TRDN: variants seen among roughly 807,000 people sequenced by gnomAD.
TRDN encodes triadin in skeletal muscle.
Under a neutral mutation model 149.7 loss-of-function variants are expected in TRDN, and 161 were observed. The observed-to-expected ratio is 1.08, with a 90% CI of 0.95 to 1.23. The LOEUF (loss-of-function observed/expected upper bound fraction) is 1.23, where lower values mean the gene tolerates loss of function less well. TRDN is among the 50% of genes most tolerant of loss of function. The pLI is 0.00. For missense variants in TRDN, 896 were observed against 823.5 expected (o/e 1.09, Z -1.08); for synonymous variants, 294 against 250.5 (o/e 1.17, Z -1.64).
At chr6:123,568,623 T>C (rs1562394870) in intron 2 of TRDN, among the ~76,000 whole-genome samples, 1 of 152,214 alleles carries the variant, frequency 6.6e-6, no homozygotes, top group Non-Finnish European at 1.5e-5. Context: ...GCACCAAGGC[T>C]TATGGCTTGT....
chr6:123,485,314 T>G (rs1777926384), intron 9 of TRDN, among the ~76,000 whole-genome samples: 1 of 152,210 alleles, frequency 6.6e-6, no homozygotes, highest in Non-Finnish European at 1.5e-5. Context: ...TACACAGGTC[T>G]ATTTGCAATG....
intron 31 of TRDN, 26 bp from the exon 32 acceptor site, chr6:123,267,777 G>A (rs1189070040): frequency 6.5e-7 from 1 of 1,540,224 alleles, no homozygotes; most frequent in Non-Finnish European, 8.8e-7. Flanking sequence ...AAAATTCACT[G>A]GCAATCTGTG....
chr6:123,260,226 T>A (rs979579551), intron 34 of TRDN, among the ~76,000 whole-genome samples: 11 of 152,050 alleles, frequency 7.2e-5, no homozygotes, highest in African/African-American at 2.7e-4. Context: ...GAAATAAGAA[T>A]TTGCCTGGCA....
intron 38 of TRDN, among the ~76,000 whole-genome samples, chr6:123,229,083 C>T (rs1345808231): frequency 6.6e-6 from 1 of 151,888 alleles, no homozygotes; most frequent in East Asian, 1.9e-4. Flanking sequence ...CTTTCAAATT[C>T]TAGAGTTCAT....
intron 35 of TRDN, among the ~76,000 whole-genome samples, chr6:123,256,679 T>G (rs1776574812): frequency 6.6e-6 from 1 of 152,044 alleles, no homozygotes; most frequent in Non-Finnish European, 1.5e-5. Flanking sequence ...TTTTTTTTCT[T>G]GTAAGTTTGT....
At chr6:123,278,985 C>A in intron 25 of TRDN, 71 bp downstream of exon 25, 2 of 1,332,526 alleles carry the variant, frequency 1.5e-6, no homozygotes, top group Non-Finnish European at 2.1e-6. Context: ...TAACAGCATG[C>A]ATTTAAGATT....
At chr6:123,363,588 T>C (rs1390952629) in intron 20 of TRDN, among the ~76,000 whole-genome samples, 1 of 152,182 alleles carries the variant, frequency 6.6e-6, no homozygotes, top group Non-Finnish European at 1.5e-5. Context: ...CAATAATGCA[T>C]GCGAATAGAT....
intron 1 of TRDN, among the ~76,000 whole-genome samples, chr6:123,601,552 C>T (rs1784278849): frequency 6.6e-6 from 1 of 152,216 alleles, no homozygotes; most frequent in South Asian, 2.1e-4. Context: ...CCACATGCCC[C>T]ATTGGTGCTA....
At chr6:123,219,182 C>T (rs1423445889) in intron 40 of TRDN, among the ~76,000 whole-genome samples, 1 of 151,782 alleles carries the variant, frequency 6.6e-6, no homozygotes, top group Non-Finnish European at 1.5e-5. Flanking sequence ...AGAGGTGGTG[C>T]CAACATCTAG....
intron 5 of TRDN, among the ~76,000 whole-genome samples, chr6:123,517,987 A>G (rs1407491863): frequency 1.3e-5 from 2 of 152,140 alleles, no homozygotes; most frequent in African/African-American, 4.8e-5. Flanking sequence ...TCAGTCACAT[A>G]GTGGACTCTG....
At chr6:123,467,876 A>C (rs1043171378) in intron 9 of TRDN, among the ~76,000 whole-genome samples, 1 of 152,178 alleles carries the variant, frequency 6.6e-6, no homozygotes, top group East Asian at 1.9e-4. Flanking sequence ...TAAAGACTGC[A>C]TGCTTAGGAG....
intron 6 of TRDN, among the ~76,000 whole-genome samples, chr6:123,513,258 G>A (rs1779260289): frequency 1.3e-5 from 2 of 152,076 alleles, no homozygotes; most frequent in Admixed American, 6.6e-5. Flanking sequence ...GCTAAGCAAG[G>A]CACTATTCAA....
At chr6:123,291,504 G>T (rs574044283) in intron 24 of TRDN, among the ~76,000 whole-genome samples, 8 of 152,092 alleles carry the variant, frequency 5.3e-5, no homozygotes, top group Non-Finnish European at 7.4e-5. Context: ...GGCAGAGCTT[G>T]CAGTGAGCCG....
chr6:123,266,774 ATATAT>A (rs1247067830), intron 32 of TRDN, among the ~76,000 whole-genome samples: 3 of 130,376 alleles, frequency 2.3e-5, no homozygotes, highest in African/African-American at 5.8e-5. Flanking sequence ...AATATATATG[ATATAT>A]TATATATGTT....
chr6:123,531,529 CT>C (rs886711497), intron 4 of TRDN, among the ~76,000 whole-genome samples: 1 of 152,068 alleles, frequency 6.6e-6, no homozygotes, highest in African/African-American at 2.4e-5. Flanking sequence ...TTTCATTCAC[CT>C]GTTAAGGAGG....
chr6:123,554,027 A>G (rs1317364720), intron 2 of TRDN, among the ~76,000 whole-genome samples: 1 of 152,206 alleles, frequency 6.6e-6, no homozygotes, highest in Admixed American at 6.5e-5. Flanking sequence ...AAATATTAGC[A>G]TGAGATCACT....
At chr6:123,515,850 T>C (rs1024312358) in intron 6 of TRDN, among the ~76,000 whole-genome samples, 11 of 152,152 alleles carry the variant, frequency 7.2e-5, no homozygotes, top group African/African-American at 2.7e-4. Flanking sequence ...AACTGACAAG[T>C]ATTTCTGATA....
intron 33 of TRDN, 74 bp downstream of exon 33, chr6:123,265,244 T>C: frequency 7.8e-6 from 9 of 1,151,426 alleles, no homozygotes; most frequent in Non-Finnish European, 1.1e-5. Flanking sequence ...TTAACTTCAG[T>C]TATAACTCAA....
intron 10 of TRDN, chr6:123,445,283 C>T (rs1321777849): frequency 6.6e-6 from 1 of 151,552 alleles, no homozygotes; most frequent in Non-Finnish European, 1.5e-5. Flanking sequence ...CATAAAAACC[C>T]TAGAAGAAAA....
Sources: allele counts gnomAD v4.1 joint callset (sites outside exome capture counted in the v4.1 genomes callset), GRCh38; gene constraint gnomAD v4.1.1; transcripts MANE v1.5; gene names NCBI Gene and HGNC (gene_info 2026-07-23, HGNC 2026-07-21).